The following USP25 variants were observed in gnomAD, a reference collection of about 807,000 sequenced individuals.
USP25 encodes ubiquitin carboxyl-terminal hydrolase 25.
In USP25, 85 loss-of-function variants were observed where a neutral mutation model predicts 158.5. That is an observed-to-expected ratio of 0.54 (90% CI 0.45 to 0.64). The LOEUF (loss-of-function observed/expected upper bound fraction) is 0.64, where lower values mean the gene tolerates loss of function less well. Among genes scored for constraint, USP25 ranks in the 30% least tolerant of loss-of-function variants. The pLI is 0.00. For missense variants in USP25, 1,242 were observed against 1,327.3 expected (o/e 0.94, Z 1.00); for synonymous variants, 464 against 460.4 (o/e 1.01, Z -0.10).
chr21:15,743,100 G>A lies in USP25; in HGVS notation c.45+12662G>A, dbSNP rs540467671. Among the ~76,000 whole-genome samples the A allele has an allele frequency of 1.8e-4, 27 of 152,350 alleles. No homozygotes were observed. The South Asian group carries it at 5.2e-3, about 29-fold the overall frequency. The stretch of plus-strand genomic sequence containing the variant: ...CTGCCGCTCACAGCTCCCTGAATGG[G>A]GGTGTGTTAGAGCTTGTTTATTCCT... On this transcript the variant is annotated intron_variant, in intron 1 of 25. Transcript: ENST00000400183.
At chr21:15,813,467 C>A (rs2036776167) in intron 9 of USP25, among the ~76,000 whole-genome samples, 1 of 152,090 alleles carries the variant, frequency 6.6e-6, no homozygotes, top group Non-Finnish European at 1.5e-5. Context: ...CTATCACTAC[C>A]TCTACTATAT....
chr21:15,738,218 T>A (rs541033486), intron 1 of USP25, among the ~76,000 whole-genome samples: 1 of 152,340 alleles, frequency 6.6e-6, no homozygotes, highest in African/African-American at 2.4e-5. Flanking sequence ...GTTGTTGCTT[T>A]AAAATAATCT....
At chr21:15,863,530 A>G (rs886582040) in intron 20 of USP25, among the ~76,000 whole-genome samples, 7 of 152,244 alleles carry the variant, frequency 4.6e-5, no homozygotes, top group African/African-American at 1.7e-4. Flanking sequence ...GTTGGGAGCT[A>G]TATATCAACT....
intron 18 of USP25, among the ~76,000 whole-genome samples, chr21:15,846,143 TATATATATA>T (rs1568882489): frequency 2.2e-4 from 14 of 62,892 alleles, no homozygotes; most frequent in African/African-American, 1.3e-3. Context: ...TATATATATA[TATATATATA>T]TATATATTTT....
chr21:15,788,222 T>G (rs767973798), intron 4 of USP25, among the ~76,000 whole-genome samples: 27 of 151,836 alleles, frequency 1.8e-4, no homozygotes, highest in Non-Finnish European at 3.1e-4. Context: ...CCACTGCATG[T>G]CTTATACTTA....
chr21:15,800,411 A>G (rs2036074001), intron 6 of USP25, among the ~76,000 whole-genome samples: 1 of 151,276 alleles, frequency 6.6e-6, no homozygotes, highest in Non-Finnish European at 1.5e-5. Flanking sequence ...ATATATAATA[A>G]TAGTAATTAT....
intron 17 of USP25, among the ~76,000 whole-genome samples, chr21:15,841,047 C>G (rs2038309814): frequency 6.6e-6 from 1 of 152,200 alleles, no homozygotes. Context: ...AGTCCAAAAT[C>G]AGGAAATGAT....
intron 22 of USP25, among the ~76,000 whole-genome samples, chr21:15,867,721 A>C (rs994732081): frequency 6.6e-6 from 1 of 152,140 alleles, no homozygotes; most frequent in Non-Finnish European, 1.5e-5. Flanking sequence ...GCCAGTAAAA[A>C]AAGTATGAGA....
At position 15,878,626 on chromosome 21, in the gene USP25, T is replaced by G. The variant is rs1287554045; in HGVS notation, c.*151T>G. The G allele has an allele frequency of 1.3e-6, 1 of 753,306 alleles. No homozygotes were observed. The highest frequency in any genetic ancestry group is 3.1e-5 in the East Asian group (1 of 32,524). 46.7% of individuals were successfully genotyped at this position (753,306 alleles called of 1,614,324 possible). A position where few individuals can be genotyped will look rare whatever the true frequency, so the allele number is the denominator to read the frequency against. On this transcript the variant is annotated 3_prime_UTR_variant, in exon 26 of 26. Transcript: ENST00000400183. The stretch of plus-strand genomic sequence containing the variant: ...GACAAAATGACTATACAGACTTTAG[T>G]CAGACTGCAGACAATAAAGCTGAAA...
In USP25 at chr21:15,805,128, G is replaced by A. The variant is rs145132387; in HGVS notation, c.650G>A (p.Arg217Gln). The change falls in exon 7 of 26, where the codon CGG (arginine) becomes CAG (glutamine). Residue 217 changes from arginine (R) to glutamine (Q), a missense_variant. By Grantham distance (43) the Arg-to-Gln change is conservative. Around this residue, in one of 3 missense-constraint regions of USP25, gnomAD observed 627 missense variants for 701.4 expected, o/e 0.89. Coordinates refer to ENST00000400183, the MANE Select transcript of USP25 (RefSeq NM_001283041.3). ...QDLPRNQKEH[R>Q]NLPFMRELRY... is the part of the protein sequence containing the mutation. ...GTTTTTTTCCTTCAATAGGAACATC[G>A]GAATTTGCCTTTTATGCGTGAGCTG... 1.5e-4 allele frequency: 244 copies of A among 1,583,034 alleles called. No individual in the cohort carries two copies. The highest frequency in any genetic ancestry group is 1.8e-4 in the Non-Finnish European group (212 of 1,169,230).
rs901227357 is a variant in USP25 at position 15,735,982 on chromosome 21, ATGTGTGTG to A, written c.45+5558_45+5565del. On this transcript the variant is annotated intron_variant, in intron 1 of 25. Coordinates refer to ENST00000400183, the MANE Select transcript of USP25 (RefSeq NM_001283041.3). ...CCTAAATCTGTGTGTGTGTGTGTGT[ATGTGTGTG>A]TGTGTGTGTGTGTATGTATGTACAT... Among the ~76,000 whole-genome samples, 4 of 119,756 alleles carry A rather than the reference ATGTGTGTG, an allele frequency of 3.3e-5. No homozygotes were observed. The South Asian group carries it at 9.7e-4, about 29-fold the overall frequency. 78.6% of individuals were successfully genotyped at this position (119,756 alleles called of 152,430 possible). A position where few individuals can be genotyped will look rare whatever the true frequency, so the allele number is the denominator to read the frequency against.
At chr21:15,824,669 T>C (rs2037407688) in intron 11 of USP25, among the ~76,000 whole-genome samples, 1 of 152,186 alleles carries the variant, frequency 6.6e-6, no homozygotes, top group Admixed American at 6.5e-5. Flanking sequence ...CAGGCTGGAG[T>C]GCAGTGGTGC....
intron 6 of USP25, among the ~76,000 whole-genome samples, 195 bp downstream of exon 6, chr21:15,800,038 G>T (rs1330525841): frequency 6.6e-6 from 1 of 150,872 alleles, no homozygotes; most frequent in East Asian, 1.9e-4. Flanking sequence ...TCCTTTACCT[G>T]TCACAGTAAT....
At chr21:15,764,853 T>G (rs2033942330) in intron 2 of USP25, among the ~76,000 whole-genome samples, 1 of 151,480 alleles carries the variant, frequency 6.6e-6, no homozygotes, top group Non-Finnish European at 1.5e-5. Flanking sequence ...TCCTTACTCC[T>G]TTTGTCACTG....
At chr21:15,806,650 ATTCTTT>A (rs1176608475) in intron 7 of USP25, among the ~76,000 whole-genome samples, 1 of 152,100 alleles carries the variant, frequency 6.6e-6, no homozygotes, top group East Asian at 1.9e-4. Flanking sequence ...GAAATTAGTG[ATTCTTT>A]TTCTTTAGAG....
intron 20 of USP25, among the ~76,000 whole-genome samples, chr21:15,862,845 T>C (rs1209143933): frequency 6.8e-6 from 1 of 146,506 alleles, no homozygotes; most frequent in African/African-American, 2.6e-5. Flanking sequence ...AAAGAACATA[T>C]TAGCCTTCCT....
chr21:15,864,394 G>A lies in USP25; in HGVS notation c.2674G>A (p.Glu892Lys), dbSNP rs201969341. 2 of 1,612,182 alleles carry A rather than the reference G, an allele frequency of 1.2e-6. No homozygotes were observed. The highest frequency in any genetic ancestry group is 1.7e-5 in the Admixed American group (1 of 59,678). ...GAACCAGGCACCAAAGAAAATTATT[G>A]AGAAAACATTACTAGAACAATTTGG... ...IQNQAPKKII[E>K]KTLLEQFGDR... Residue 892 changes from glutamate (E) to lysine (K), a missense_variant, in exon 21 of 26, where the codon GAG becomes AAG. By Grantham distance (56) the Glu-to-Lys change is moderately conservative (BLOSUM62 1). Coordinates refer to ENST00000400183, the MANE Select transcript of USP25 (RefSeq NM_001283041.3).
chr21:15,791,537 G>A lies in USP25; in HGVS notation c.428G>A (p.Cys143Tyr), dbSNP rs2035591087. Residue 143 changes from cysteine to tyrosine, a missense_variant, in exon 5 of 26, where the codon TGT (cysteine) becomes TAT (tyrosine). By Grantham distance (194) the Cys-to-Tyr change is radical. Coordinates refer to ENST00000400183, the MANE Select transcript of USP25 (RefSeq NM_001283041.3). Reference sequence around the variant, plus strand: ...GCCAGCATAGCAGAGAATAAAGCATGTTTGAAGAGGACACCTACAGAAGTT... The same window carrying A: ...GCCAGCATAGCAGAGAATAAAGCATATTTGAAGAGGACACCTACAGAAGTT... Reference protein sequence around the residue: ...LEASIAENKACLKRTPTEVWR... With the variant: ...LEASIAENKAYLKRTPTEVWR... The A allele has an allele frequency of 6.2e-7, 1 of 1,610,684 alleles. No individual in the cohort carries two copies. Among genetic ancestry groups the A allele is most frequent in the Non-Finnish European group, 8.5e-7 (1 of 1,177,930 alleles).
At chr21:15,867,264 G>A (rs2039698067) in intron 22 of USP25, among the ~76,000 whole-genome samples, 1 of 151,166 alleles carries the variant, frequency 6.6e-6, no homozygotes, top group Non-Finnish European at 1.5e-5. Context: ...GTTTTCTTGG[G>A]TGCCTTTGCT....
Sources: allele counts gnomAD v4.1 joint callset (sites outside exome capture counted in the v4.1 genomes callset), GRCh38; gene constraint gnomAD v4.1.1; regional missense constraint gnomAD v4.1.1; transcripts MANE v1.5; gene names NCBI Gene and HGNC (gene_info 2026-07-23, HGNC 2026-07-21).